STK32A: variants seen among roughly 807,000 people sequenced by gnomAD.
STK32A encodes the protein serine/threonine kinase 32A, also known as serine/threonine-protein kinase 32A.
Under a neutral mutation model 53.2 loss-of-function variants are expected in STK32A, and 41 were observed. The ratio of observed to expected loss-of-function variants is 0.77; its 90% CI spans 0.60 to 1.00. The LOEUF is 1.00. Among genes scored for constraint, STK32A ranks in the 50% least tolerant of loss-of-function variants. STK32A has a pLI of 0.00. For synonymous variants in STK32A, 166 were observed against 162.8 expected, an observed-to-expected ratio of 1.02 and a Z score of -0.15; for missense variants, 458 against 485.8, an observed-to-expected ratio of 0.94 and a Z score of 0.54.
intron 8 of STK32A, among the ~76,000 whole-genome samples, chr5:147,369,170 C>T (rs1756898788): frequency 6.6e-6 from 1 of 151,962 alleles, no homozygotes; most frequent in Admixed American, 6.6e-5. Flanking sequence ...TAGCTATGGT[C>T]CTTTATTTAG....
At position 147,270,433 on chromosome 5, in the gene STK32A, C is replaced by T. The variant is rs1421131341; in HGVS notation, c.53-7691C>T. Among the ~76,000 whole-genome samples, 7 of 152,178 alleles carry T rather than the reference C, an allele frequency of 4.6e-5. No homozygotes were observed. In the East Asian group the frequency reaches 9.7e-4, roughly 21 times the overall value. ...CTCCCTATGTTGCTCAGGCTGGTCTCTAACTCCTGGGCTCAAGTGATTCTC... is the reference window on the plus strand; with the variant it reads ...CTCCCTATGTTGCTCAGGCTGGTCTTTAACTCCTGGGCTCAAGTGATTCTC... On this transcript the variant is annotated intron_variant, in intron 2 of 12. Transcript: ENST00000397936.
In STK32A at chr5:147,370,730, C is replaced by T; in HGVS notation, c.737C>T (p.Pro246Leu). 6.2e-7 allele frequency: 1 copy of T among 1,612,594 alleles called. No homozygotes were observed. The highest frequency in any genetic ancestry group is 8.5e-7 in the Non-Finnish European group (1 of 1,178,852). Residue 246 changes from proline (P) to leucine (L), a missense_variant, in exon 9 of 13, where the codon CCT becomes CTT. Physicochemically the swap from Pro to Leu is moderately conservative, Grantham distance 98. Transcript: ENST00000397936. ...TTTGAGACGACTGTTGTAACTTACC[C>T]TTCTGCCTGGTCACAGGAAATGGTG... ...HTFETTVVTY[P>L]SAWSQEMVSL... is the part of the protein sequence containing the mutation.
chr5:147,349,344 T>C (rs1438256262), intron 6 of STK32A, among the ~76,000 whole-genome samples: 1 of 152,226 alleles, frequency 6.6e-6, no homozygotes, highest in Admixed American at 6.5e-5. Flanking sequence ...CAAAGAAGTT[T>C]GATACAGGGC....
At chr5:147,276,903 A>G (rs1268829027) in intron 2 of STK32A, among the ~76,000 whole-genome samples, 6 of 152,236 alleles carry the variant, frequency 3.9e-5, no homozygotes, top group East Asian at 3.9e-4. Context: ...CAGTCTCTTC[A>G]TTATTTTGAG....
At chr5:147,314,740 C>CTTTTTTTTT (rs780298418) in intron 4 of STK32A, among the ~76,000 whole-genome samples, 1 of 136,034 alleles carries the variant, frequency 7.4e-6, no homozygotes, top group African/African-American at 2.7e-5. Context: ...CTTTCTTTTT[C>CTTTTTTTTT]TTTTTTTTTT....
intron 9 of STK32A, 44 bp downstream of exon 9, chr5:147,370,814 G>A: frequency 6.9e-6 from 9 of 1,305,994 alleles, no homozygotes; most frequent in Non-Finnish European, 8.9e-6. Flanking sequence ...ACAAAAGGAA[G>A]CAGGCTCTCT....
At chr5:147,292,279 G>A (rs952718797) in intron 4 of STK32A, among the ~76,000 whole-genome samples, 12 of 152,326 alleles carry the variant, frequency 7.9e-5, no homozygotes, top group Admixed American at 6.5e-4. Flanking sequence ...CAAAGCCTTG[G>A]TAAAATGACC....
chr5:147,325,634 G>T (rs1446207240), intron 5 of STK32A, among the ~76,000 whole-genome samples: 8 of 152,118 alleles, frequency 5.3e-5, no homozygotes, highest in East Asian at 3.9e-4. Context: ...TGTATTGGAA[G>T]TGTGCTCTTC....
chr5:147,267,640 A>G (rs1224634458), intron 2 of STK32A, among the ~76,000 whole-genome samples: 1 of 152,238 alleles, frequency 6.6e-6, no homozygotes, highest in African/African-American at 2.4e-5. Context: ...TGCAGGTAGC[A>G]GAAGTTCTAT....
chr5:147,267,511 T>A (rs1358757558), intron 2 of STK32A, among the ~76,000 whole-genome samples: 1 of 152,226 alleles, frequency 6.6e-6, no homozygotes, highest in Admixed American at 6.5e-5. Flanking sequence ...TCATGCTGTT[T>A]TGGTAAAAAG....
At chr5:147,294,747 G>C (rs149458738) in intron 4 of STK32A, among the ~76,000 whole-genome samples, 1 of 150,892 alleles carries the variant, frequency 6.6e-6, no homozygotes, top group Non-Finnish European at 1.5e-5. Context: ...GCAATGGTGC[G>C]ATCTTGGCTC....
chr5:147,284,043 A>T (rs1423828291), intron 4 of STK32A, among the ~76,000 whole-genome samples: 7 of 152,190 alleles, frequency 4.6e-5, no homozygotes, highest in Non-Finnish European at 1.0e-4. Context: ...AGCTAACTGA[A>T]TCCAACAGCA....
intron 1 of STK32A, among the ~76,000 whole-genome samples, chr5:147,237,672 A>C (rs575413249): frequency 6.6e-6 from 1 of 152,160 alleles, no homozygotes; most frequent in Non-Finnish European, 1.5e-5. Context: ...TTCCTAATTA[A>C]TGACTCTCTT....
intron 4 of STK32A, among the ~76,000 whole-genome samples, chr5:147,298,131 T>C (rs1752955382): frequency 6.6e-6 from 1 of 152,180 alleles, no homozygotes; most frequent in Admixed American, 6.5e-5. Flanking sequence ...TTCTCTCTGT[T>C]TAAAAATTAT....
intron 2 of STK32A, among the ~76,000 whole-genome samples, chr5:147,263,620 T>C (rs35206295): frequency 0.29 from 44,292 of 151,982 alleles, 6,789 homozygotes; most frequent in Admixed American, 0.35. Context: ...ACAGCATGAA[T>C]GGAAAAATCC....
intron 7 of STK32A, among the ~76,000 whole-genome samples, chr5:147,359,669 T>TA (rs1436444816): frequency 2.0e-5 from 3 of 152,076 alleles, no homozygotes; most frequent in African/African-American, 7.2e-5. Flanking sequence ...AGAGCAGAAA[T>TA]ATAGTCCATC....
intron 2 of STK32A, 88 bp downstream of exon 2, chr5:147,239,774 A>G (rs1753487370): frequency 9.5e-7 from 1 of 1,057,196 alleles, no homozygotes; most frequent in African/African-American, 1.6e-5. Context: ...AAGCATAAGC[A>G]TGGTCTGTAG....
chr5:147,397,989 T>C, the STK32A span: 15 of 778,068 alleles, frequency 1.9e-5, no homozygotes, highest in Non-Finnish European at 2.7e-5. Flanking sequence ...AAGCATCCAG[T>C]GGGTAGAAGG....
At chr5:147,399,728 C>A in the STK32A span, among the ~76,000 whole-genome samples, 1 of 152,114 alleles carries the variant, frequency 6.6e-6, no homozygotes, top group East Asian at 1.9e-4. Flanking sequence ...CAAGTGTGTG[C>A]TTGTCTGTAG....
Sources: allele counts gnomAD v4.1 joint callset (sites outside exome capture counted in the v4.1 genomes callset), GRCh38; gene constraint gnomAD v4.1.1; transcripts MANE v1.5; gene names NCBI Gene and HGNC (gene_info 2026-07-23, HGNC 2026-07-21).